IMMP2L: variants seen among roughly 807,000 people sequenced by gnomAD.
The protein encoded by IMMP2L is mitochondrial inner membrane protease subunit 2.
Under a neutral mutation model 19.3 loss-of-function variants are expected in IMMP2L, and 18 were observed. That is an observed-to-expected ratio of 0.93 (90% CI 0.64 to 1.38). IMMP2L has a LOEUF of 1.38. Ranked by LOEUF, IMMP2L falls within the 40% of genes most tolerant of loss-of-function variation. The pLI is 0.00. For missense variants in IMMP2L, 233 were observed against 218.2 expected (o/e 1.07, Z -0.43); for synonymous variants, 76 against 73.0 (o/e 1.04, Z -0.21).
chr7:111,293,783 C>G (rs373576886), intron 3 of IMMP2L, among the ~76,000 whole-genome samples: 16 of 151,884 alleles, frequency 1.1e-4, no homozygotes, highest in African/African-American at 3.9e-4. Context: ...TCATTTAATC[C>G]TCAGAACACT....
chr7:110,678,253 G>A (rs566450602), intron 5 of IMMP2L, among the ~76,000 whole-genome samples: 1 of 152,200 alleles, frequency 6.6e-6, no homozygotes, highest in South Asian at 2.1e-4. Flanking sequence ...ACTTCTGGCT[G>A]CAGAAATATT....
chr7:111,304,384 G>A (rs1822595721), intron 3 of IMMP2L, among the ~76,000 whole-genome samples: 1 of 151,788 alleles, frequency 6.6e-6, no homozygotes, highest in Non-Finnish European at 1.5e-5. Flanking sequence ...GGAGAAAGGG[G>A]ACAATAGTAA....
At chr7:111,251,221 T>C (rs1587042373) in intron 3 of IMMP2L, among the ~76,000 whole-genome samples, 1 of 152,278 alleles carries the variant, frequency 6.6e-6, no homozygotes, top group South Asian at 2.1e-4. Context: ...CCAGTCAGAA[T>C]GGTGATTATT....
chr7:110,817,497 C>A (rs570807229), intron 5 of IMMP2L, among the ~76,000 whole-genome samples: 2 of 151,914 alleles, frequency 1.3e-5, no homozygotes, highest in Non-Finnish European at 2.9e-5. Context: ...TCCATGCTCA[C>A]GGGTAGGAAG....
At chr7:111,203,075 T>A (rs1349591673) in intron 3 of IMMP2L, among the ~76,000 whole-genome samples, 1 of 152,130 alleles carries the variant, frequency 6.6e-6, no homozygotes, top group African/African-American at 2.4e-5. Flanking sequence ...ACTAGTACTA[T>A]CTATTCAGAC....
At chr7:110,812,778 A>T (rs1378233737) in intron 5 of IMMP2L, among the ~76,000 whole-genome samples, 4 of 152,020 alleles carry the variant, frequency 2.6e-5, no homozygotes, top group Non-Finnish European at 5.9e-5. Flanking sequence ...TTGTTTGCAA[A>T]GTTACTAAGA....
intron 3 of IMMP2L, among the ~76,000 whole-genome samples, chr7:111,292,408 C>G (rs1821210105): frequency 6.6e-6 from 1 of 151,994 alleles, no homozygotes; most frequent in Admixed American, 6.6e-5. Flanking sequence ...TTTTTCCTCC[C>G]TATGTGAATT....
chr7:110,736,808 A>C (rs1584664954), intron 5 of IMMP2L, among the ~76,000 whole-genome samples: 1 of 152,314 alleles, frequency 6.6e-6, no homozygotes, highest in East Asian at 1.9e-4. Context: ...AATTTGTCTC[A>C]GGATAAATCA....
intron 3 of IMMP2L, among the ~76,000 whole-genome samples, chr7:111,335,296 C>T (rs1826286230): frequency 6.6e-6 from 1 of 151,954 alleles, no homozygotes; most frequent in South Asian, 2.1e-4. Flanking sequence ...AGGATGACTA[C>T]CAAATATCTC....
chr7:110,745,186 C>A lies in IMMP2L; in HGVS notation c.409-81465G>T, dbSNP rs541404284. 7.2e-5 allele frequency among the ~76,000 whole-genome samples: 11 copies of A among 152,088 alleles called. No homozygotes were observed. In the South Asian group the frequency reaches 1.7e-3, roughly 23 times the overall value. On this transcript the variant is annotated intron_variant, in intron 5 of 5. Coordinates refer to ENST00000405709, the MANE Select transcript of IMMP2L (RefSeq NM_032549.4). The stretch of plus-strand genomic sequence containing the variant: ...GATCAACTCAATGAAATAAAGCAAG[C>A]AAACAAGATTAGAGAAACAAGATTG...
chr7:111,378,611 C>A (rs766640322), intron 3 of IMMP2L, among the ~76,000 whole-genome samples: 1 of 151,978 alleles, frequency 6.6e-6, no homozygotes, highest in Non-Finnish European at 1.5e-5. Context: ...AAATCCCTTT[C>A]TTAATCAATA....
intron 3 of IMMP2L, among the ~76,000 whole-genome samples, chr7:110,992,756 T>A (rs941742970): frequency 2.6e-5 from 4 of 152,046 alleles, no homozygotes; most frequent in African/African-American, 9.7e-5. Flanking sequence ...TTAGCCAATA[T>A]CAATACAACT....
At chr7:111,196,228 A>T (rs1809486289) in intron 3 of IMMP2L, among the ~76,000 whole-genome samples, 1 of 152,202 alleles carries the variant, frequency 6.6e-6, no homozygotes, top group Non-Finnish European at 1.5e-5. Context: ...ATGAAAAATA[A>T]TCTCTTGGAA....
chr7:111,277,647 G>C (rs1819241911), intron 3 of IMMP2L, among the ~76,000 whole-genome samples: 1 of 151,290 alleles, frequency 6.6e-6, no homozygotes, highest in Non-Finnish European at 1.5e-5. Flanking sequence ...AGGAATTTCA[G>C]TACAACCTTT....
chr7:111,261,933 G>C (rs1167077433), intron 3 of IMMP2L, among the ~76,000 whole-genome samples: 1 of 152,124 alleles, frequency 6.6e-6, no homozygotes, highest in Admixed American at 6.6e-5. Context: ...GCTGGAGAGA[G>C]AGATATGACC....
At chr7:111,410,129 GA>G (rs1484066641) in intron 3 of IMMP2L, among the ~76,000 whole-genome samples, 1 of 151,794 alleles carries the variant, frequency 6.6e-6, no homozygotes, top group African/African-American at 2.4e-5. Context: ...GCAGCCAAGT[GA>G]AAAATAGCAG....
intron 4 of IMMP2L, among the ~76,000 whole-genome samples, chr7:110,887,100 AT>A (rs1250852359): frequency 2.0e-5 from 3 of 151,990 alleles, no homozygotes; most frequent in Admixed American, 2.0e-4. Context: ...TACAGTCTTC[AT>A]TTTTTTCGGT....
intron 3 of IMMP2L, among the ~76,000 whole-genome samples, chr7:111,034,820 C>T (rs1791176130): frequency 6.6e-6 from 1 of 152,164 alleles, no homozygotes; most frequent in Admixed American, 6.5e-5. Context: ...AGAGCTAAAA[C>T]AGGCTAATGA....
At chr7:111,018,791 TTA>T (rs1825968568) in intron 3 of IMMP2L, among the ~76,000 whole-genome samples, 26 of 6,790 alleles carry the variant, frequency 3.8e-3, no homozygotes, top group African/African-American at 0.025. Flanking sequence ...TGTCTTTTTA[TTA>T]TTATTATTAT....
Sources: allele counts gnomAD v4.1 joint callset (sites outside exome capture counted in the v4.1 genomes callset), GRCh38; gene constraint gnomAD v4.1.1; transcripts MANE v1.5; gene names NCBI Gene and HGNC (gene_info 2026-07-23, HGNC 2026-07-21).